Variants in EYS observed in about 807,000 individuals in gnomAD.
EYS encodes the protein EGF-like photoreceptor maintenance factor, also known as protein eyes shut homolog.
Under a neutral mutation model 282.1 loss-of-function variants are expected in EYS, and 250 were observed. That is an observed-to-expected ratio of 0.89 (90% CI 0.80 to 0.98). The LOEUF (loss-of-function observed/expected upper bound fraction) is 0.98, where lower values mean the gene tolerates loss of function less well. EYS is among the 50% of genes least tolerant of loss of function. The pLI is 0.00. For synonymous variants in EYS, 1,355 were observed against 1,282.9 expected, an observed-to-expected ratio of 1.06 and a Z score of -1.20; for missense variants, 4,016 against 3,709.0, an observed-to-expected ratio of 1.08 and a Z score of -2.15.
intron 30 of EYS, among the ~76,000 whole-genome samples, chr6:64,271,677 T>C (rs993569064): frequency 6.7e-6 from 1 of 148,652 alleles, no homozygotes; most frequent in East Asian, 2.0e-4. Context: ...TTGAAATTGA[T>C]TTTTGTTTGG....
chr6:64,366,160 T>C (rs1772172769), intron 29 of EYS, among the ~76,000 whole-genome samples: 1 of 152,022 alleles, frequency 6.6e-6, no homozygotes, highest in Non-Finnish European at 1.5e-5. Flanking sequence ...AGTGAAGTTT[T>C]CTTTCCCGTT....
At chr6:64,494,622 G>A (rs1776837153) in intron 26 of EYS, among the ~76,000 whole-genome samples, 1 of 151,654 alleles carries the variant, frequency 6.6e-6, no homozygotes, top group African/African-American at 2.4e-5. Flanking sequence ...ACAATGGCTT[G>A]GTTCTGCATG....
chr6:64,246,993 G>A (rs2150346443), intron 30 of EYS, among the ~76,000 whole-genome samples: 1 of 152,172 alleles, frequency 6.6e-6, no homozygotes, highest in Non-Finnish European at 1.5e-5. Flanking sequence ...TGAATGCCTT[G>A]CCATTATGGT....
In EYS at chr6:64,367,713, A is replaced by G. The variant is rs543526123; in HGVS notation, c.6078+20977T>C. ...CTATATTGCATATGTCATTGAATTC[A>G]GAGCGGCTGCATTGAAGAGCTGTAC... On this transcript the variant is annotated intron_variant, in intron 29 of 42. Transcript: ENST00000503581. Among the ~76,000 whole-genome samples, 21 of 152,196 alleles carry G rather than the reference A, an allele frequency of 1.4e-4. No individual in the cohort carries two copies. In the South Asian group the frequency reaches 4.3e-3, roughly 32 times the overall value.
At chr6:65,619,568 T>A (rs893093033) in intron 2 of EYS, among the ~76,000 whole-genome samples, 2 of 152,162 alleles carry the variant, frequency 1.3e-5, no homozygotes, top group Non-Finnish European at 2.9e-5. Context: ...CTAATTGCCC[T>A]GGCCAGAACT....
chr6:65,113,249 A>G (rs1775266005), intron 12 of EYS, among the ~76,000 whole-genome samples: 1 of 152,040 alleles, frequency 6.6e-6, no homozygotes, highest in Admixed American at 6.5e-5. Flanking sequence ...TCTCAGTGAA[A>G]CCTAAATGTA....
chr6:65,439,375 T>C (rs948150130), intron 5 of EYS, among the ~76,000 whole-genome samples: 12 of 152,194 alleles, frequency 7.9e-5, no homozygotes, highest in Admixed American at 5.9e-4. Flanking sequence ...TTTTTTCCAA[T>C]TCTGTGGAGA....
intron 29 of EYS, among the ~76,000 whole-genome samples, chr6:64,344,208 G>A (rs190977546): frequency 6.6e-6 from 1 of 152,138 alleles, no homozygotes; most frequent in Admixed American, 6.5e-5. Context: ...CTCATTTCAT[G>A]AGGCCAGCAT....
At chr6:64,505,932 C>T (rs9351287) in intron 26 of EYS, among the ~76,000 whole-genome samples, 62,960 of 151,888 alleles carry the variant, frequency 0.41, 13,592 homozygotes, top group African/African-American at 0.56. Context: ...TTGAGAATCA[C>T]AGCTATGCAG....
chr6:65,513,207 C>T (rs1377502870), intron 2 of EYS, among the ~76,000 whole-genome samples: 1 of 152,158 alleles, frequency 6.6e-6, no homozygotes, highest in Non-Finnish European at 1.5e-5. Context: ...GGATAAATTC[C>T]TCCACACATA....
At chr6:64,107,421 C>T (rs1773066920) in intron 31 of EYS, among the ~76,000 whole-genome samples, 1 of 150,796 alleles carries the variant, frequency 6.6e-6, no homozygotes, top group Non-Finnish European at 1.5e-5. Flanking sequence ...AACTGAAGAA[C>T]CTGGAGTCTG....
At chr6:64,216,821 G>A (rs1765943253) in intron 31 of EYS, among the ~76,000 whole-genome samples, 1 of 152,116 alleles carries the variant, frequency 6.6e-6, no homozygotes, top group Non-Finnish European at 1.5e-5. Flanking sequence ...TGTTAGACCT[G>A]AGCATCAATA....
At chr6:63,736,887 TTGTC>T (rs1768928101) in intron 41 of EYS, among the ~76,000 whole-genome samples, 1 of 152,150 alleles carries the variant, frequency 6.6e-6, no homozygotes, top group Non-Finnish European at 1.5e-5. Context: ...GGCTCTCTGT[TTGTC>T]TGTTATTGGT....
chr6:64,329,103 G>A (rs1285760426), intron 29 of EYS, among the ~76,000 whole-genome samples: 5 of 152,204 alleles, frequency 3.3e-5, no homozygotes, highest in South Asian at 2.1e-4. Flanking sequence ...ATTAGGCCCC[G>A]AGGAGCCTAT....
chr6:64,727,979 G>C (rs1479433542), intron 22 of EYS, among the ~76,000 whole-genome samples: 22 of 152,124 alleles, frequency 1.4e-4, no homozygotes, highest in Non-Finnish European at 4.4e-5. Context: ...AAATTTCCCT[G>C]ACCCCTTCAC....
chr6:65,389,602 T>C (rs577412394), intron 7 of EYS, among the ~76,000 whole-genome samples: 2 of 152,128 alleles, frequency 1.3e-5, no homozygotes, highest in Admixed American at 6.6e-5. Context: ...GATAAAAGTG[T>C]TCATATCCAT....
At chr6:65,187,952 TAAC>T (rs2150237655) in intron 12 of EYS, among the ~76,000 whole-genome samples, 1 of 151,808 alleles carries the variant, frequency 6.6e-6, no homozygotes, top group South Asian at 2.1e-4. Context: ...TCCCTATATA[TAAC>T]AATGGCTTTT....
chr6:63,804,077 T>C (rs1770843786), intron 37 of EYS, among the ~76,000 whole-genome samples: 1 of 152,130 alleles, frequency 6.6e-6, no homozygotes, highest in African/African-American at 2.4e-5. Flanking sequence ...AGTGCAACAC[T>C]GCAATCTCGG....
At chr6:64,631,144 G>A (rs954899978) in intron 22 of EYS, 1 of 152,042 alleles carries the variant, frequency 6.6e-6, no homozygotes, top group Non-Finnish European at 1.5e-5. Context: ...TTGCAGCATA[G>A]CAACTAAAAA....
Sources: gnomAD v4.1 joint callset for allele counts (sites outside exome capture counted in the v4.1 genomes callset) on GRCh38, gnomAD v4.1.1 for gene constraint, MANE v1.5 for transcripts, NCBI Gene and HGNC (gene_info 2026-07-23, HGNC 2026-07-21) for gene names.